Variants in RASGRF1 observed in about 807,000 individuals in gnomAD.
RASGRF1 encodes the protein ras-specific guanine nucleotide-releasing factor 1.
A neutral mutation model predicts 138.7 loss-of-function variants in RASGRF1; 40 were observed. That is an observed-to-expected ratio of 0.29 (90% CI 0.22 to 0.38). The LOEUF is 0.38. Among genes scored for constraint, RASGRF1 ranks in the 10% least tolerant of loss-of-function variants. RASGRF1 has a pLI of 1.00. For missense variants in RASGRF1, 1,108 were observed against 1,650.4 expected (o/e 0.67, Z 5.69); for synonymous variants, 614 against 663.2 (o/e 0.93, Z 1.14).
In RASGRF1 at chr15:78,973,223, G is replaced by A. The variant is rs1421251166; in HGVS notation, c.3612+80C>T. 1 of 1,185,666 alleles carries A rather than the reference G, an allele frequency of 8.4e-7. No homozygotes were observed. 73.4% of individuals were successfully genotyped at this position (1,185,666 alleles called of 1,614,324 possible). A position where few individuals can be genotyped will look rare whatever the true frequency, so the allele number is the denominator to read the frequency against. On this transcript the variant is annotated intron_variant, in intron 25 of 26. Coordinates refer to ENST00000558480, the MANE Select transcript of RASGRF1 (RefSeq NM_001145648.3). This position sits in a 1 kb window ranked among gnomAD's most constrained non-coding sequence, Gnocchi z 4.9. ...CTATGCAGCAGGTTGGGCCTTGGGG[G>A]GCAGAGTGTGGGTGGGCCCCAGGTT... is the stretch of plus-strand genomic sequence containing the variant.
intron 1 of RASGRF1, among the ~76,000 whole-genome samples, chr15:79,066,012 T>G (rs2057675746): frequency 6.6e-6 from 1 of 151,590 alleles, no homozygotes; most frequent in African/African-American, 2.4e-5. Flanking sequence ...AGGAAACAGA[T>G]AACTGGGGCT....
chr15:78,962,303 C>A (rs566655123), intron 26 of RASGRF1, 67 bp from the exon 27 acceptor site: 1 of 1,152,888 alleles, frequency 8.7e-7, no homozygotes, highest in African/African-American at 1.5e-5. Context: ...ATTGTGGATG[C>A]ACTTTATCTC....
rs181793630 is a variant in RASGRF1, at chr15:79,001,985, T to A, written c.2450-198A>T. On this transcript the variant is annotated intron_variant, in intron 15 of 26. Transcript: ENST00000558480. Reference sequence around the variant, plus strand: ...TTCTCTTGCTAATGAGCACTGTCGATCTCCAAGGTGGCTTTTGCTCCACCA... The same window carrying A: ...TTCTCTTGCTAATGAGCACTGTCGAACTCCAAGGTGGCTTTTGCTCCACCA... Among the ~76,000 whole-genome samples the A allele has an allele frequency of 3.4e-3, 522 of 152,306 alleles. 5 individuals carry two copies. Among genetic ancestry groups the A allele is most frequent in the African/African-American group, 0.012 (511 of 41,572 alleles).
chr15:79,040,162 C>T (rs565974260), intron 5 of RASGRF1, among the ~76,000 whole-genome samples: 2 of 152,104 alleles, frequency 1.3e-5, no homozygotes, highest in South Asian at 4.2e-4. Context: ...TGCTTCTCCT[C>T]CTTCTCTTCT....
chr15:79,068,047 CT>C (rs1288170650), intron 1 of RASGRF1, among the ~76,000 whole-genome samples: 1 of 152,056 alleles, frequency 6.6e-6, no homozygotes, highest in Admixed American at 6.5e-5. Context: ...GGGAAAGTGA[CT>C]GATTTTGTGA....
chr15:78,966,005 G>T (rs1040895118), intron 26 of RASGRF1, among the ~76,000 whole-genome samples: 1 of 152,118 alleles, frequency 6.6e-6, no homozygotes, highest in Non-Finnish European at 1.5e-5. Context: ...GTTGAATAAG[G>T]CAGAGGGAGG....
chr15:79,021,703 G>A (rs1230416792), intron 10 of RASGRF1, among the ~76,000 whole-genome samples: 3 of 152,192 alleles, frequency 2.0e-5, no homozygotes, highest in Non-Finnish European at 4.4e-5. Context: ...CAGACTGGCT[G>A]GGTTCAAATC....
intron 5 of RASGRF1, among the ~76,000 whole-genome samples, chr15:79,043,865 A>G (rs936293095): frequency 1.6e-4 from 25 of 152,136 alleles, no homozygotes; most frequent in African/African-American, 5.8e-4. Context: ...CAACTTCTAA[A>G]CCTCTTTGAT....
chr15:79,034,074 G>A (rs146442403), intron 6 of RASGRF1, among the ~76,000 whole-genome samples: 65 of 152,238 alleles, frequency 4.3e-4, no homozygotes, highest in African/African-American at 1.5e-3. Flanking sequence ...AGAAAAACAC[G>A]GGTCTTTGAC....
chr15:79,042,388 C>A (rs569198350), intron 5 of RASGRF1, among the ~76,000 whole-genome samples: 1 of 152,344 alleles, frequency 6.6e-6, no homozygotes, highest in Admixed American at 6.5e-5. Flanking sequence ...ACACAGACCT[C>A]TGTGCTGTGG....
rs1476430695 is a variant in RASGRF1 at position 78,960,037 on chromosome 15, TTAAG to T, written c.*2103_*2106del. The T allele has an allele frequency of 6.6e-6, 1 of 152,168 alleles. No individual in the cohort carries two copies. The highest frequency in any genetic ancestry group is 1.5e-5 in the Non-Finnish European group (1 of 68,044). 9.4% of individuals were successfully genotyped at this position (152,168 alleles called of 1,614,324 possible). A position where few individuals can be genotyped will look rare whatever the true frequency, so the allele number is the denominator to read the frequency against. On this transcript the variant is annotated 3_prime_UTR_variant, in exon 27 of 27. Transcript: ENST00000558480. ...ATGAGAACAGTGAAGCTCTGAGAGG[TTAAG>T]TGACTTGGCTGAGCTCATGAAGCAG...
At position 79,001,584 on chromosome 15, in the gene RASGRF1, C is replaced by T. The variant is rs2056526978; in HGVS notation, c.2575+78G>A. 3 of 1,504,200 alleles carry T rather than the reference C, an allele frequency of 2.0e-6. No individual in the cohort carries two copies. The African/African-American group carries it at 4.2e-5, about 21-fold the overall frequency. 93.2% of individuals were successfully genotyped at this position (1,504,200 alleles called of 1,614,324 possible). On this transcript the variant is annotated intron_variant, in intron 16 of 26. Transcript: ENST00000558480. The stretch of plus-strand genomic sequence containing the variant: ...CATAAAGCATAAGGGATGACACCCA[C>T]TTGCCTTGACTCGACTTGACCTACT...
intron 26 of RASGRF1, among the ~76,000 whole-genome samples, chr15:78,968,332 T>C (rs1193280336): frequency 1.3e-5 from 2 of 151,706 alleles, no homozygotes; most frequent in Non-Finnish European, 2.9e-5. Context: ...TGTGCAGTGG[T>C]GCAATGATAG....
chr15:78,978,800 C>T, intron 24 of RASGRF1: 9 of 1,147,128 alleles, frequency 7.8e-6, no homozygotes, highest in Non-Finnish European at 9.8e-6. Flanking sequence ...CCTCCCTCCT[C>T]TGTGTGCCCT....
chr15:79,090,627 C>A lies in RASGRF1; in HGVS notation c.-129G>T, dbSNP rs757700380. On this transcript the variant is annotated 5_prime_UTR_variant, in exon 1 of 27. Coordinates refer to ENST00000558480, the MANE Select transcript of RASGRF1 (RefSeq NM_001145648.3). Reference sequence around the variant, plus strand: ...CGCTCCCTCTAGCTCTCCCCTCCCCCCAAATATCTACACTCCAGGATCTGG... The same window carrying A: ...CGCTCCCTCTAGCTCTCCCCTCCCCACAAATATCTACACTCCAGGATCTGG... 7.7e-6 allele frequency: 10 copies of A among 1,306,398 alleles called. No homozygotes were observed. The highest frequency in any genetic ancestry group is 2.4e-5 in the East Asian group (1 of 42,420). The allele number at this position is 1,306,398 out of a possible 1,614,324, so 80.9% of individuals were successfully genotyped here.
intron 25 of RASGRF1, 151 bp from the exon 26 acceptor site, chr15:78,972,085 A>C: frequency 1.4e-6 from 1 of 727,292 alleles, no homozygotes; most frequent in South Asian, 1.6e-5. Context: ...CGGAGGCATC[A>C]TGTGTGTTTG....
At chr15:79,041,633 A>C (rs752145819) in intron 5 of RASGRF1, among the ~76,000 whole-genome samples, 16 of 152,168 alleles carry the variant, frequency 1.1e-4, no homozygotes, top group Admixed American at 6.5e-4. Context: ...CAGCCAGAGA[A>C]GTGGCCTGAC....
chr15:79,004,597 A>G (rs2141716790), intron 14 of RASGRF1: 1 of 973,266 alleles, frequency 1.0e-6, no homozygotes, highest in South Asian at 4.8e-5. Flanking sequence ...AGGCTCAGAG[A>G]CAGGAAATGA....
chr15:78,992,704 G>A (rs1231945944), intron 20 of RASGRF1, among the ~76,000 whole-genome samples: 1 of 152,208 alleles, frequency 6.6e-6, no homozygotes, highest in African/African-American at 2.4e-5. Flanking sequence ...ACTGTCTCGT[G>A]TGCCTCATGC....
Sources: allele counts gnomAD v4.1 joint callset (sites outside exome capture counted in the v4.1 genomes callset), GRCh38; gene constraint gnomAD v4.1.1; non-coding constraint Gnocchi (gnomAD v3.1); transcripts MANE v1.5; gene names NCBI Gene and HGNC (gene_info 2026-07-23, HGNC 2026-07-21).